CEP85L: variants seen among roughly 807,000 people sequenced by gnomAD.
CEP85L encodes centrosomal protein 85L, also known as centrosomal protein of 85 kDa-like.
A neutral mutation model predicts 100.3 loss-of-function variants in CEP85L; 60 were observed. That is an observed-to-expected ratio of 0.60 (90% confidence interval 0.49 to 0.74). The LOEUF (loss-of-function observed/expected upper bound fraction) is 0.74. Among genes scored for constraint, CEP85L ranks in the 30% least tolerant of loss-of-function variants. The pLI is 0.00. For missense variants in CEP85L, 973 were observed against 936.2 expected, an observed-to-expected ratio of 1.04 and a Z score of -0.51; for synonymous variants, 319 against 322.7, an observed-to-expected ratio of 0.99 and a Z score of 0.12.
chr6:118,558,423 G>T (rs1288839), intron 3 of CEP85L, among the ~76,000 whole-genome samples: 2,967 of 152,086 alleles, frequency 0.02, 89 homozygotes, highest in African/African-American at 0.067. Context: ...GGGTAAAAAT[G>T]GTTTTGTTAT....
intron 3 of CEP85L, among the ~76,000 whole-genome samples, chr6:118,552,489 C>T (rs1778607008): frequency 6.6e-6 from 1 of 151,998 alleles, no homozygotes; most frequent in African/African-American, 2.4e-5. Flanking sequence ...TAAAACAGGA[C>T]TCACTGCAGA....
chr6:118,572,479 G>A (rs1351051321), intron 2 of CEP85L, among the ~76,000 whole-genome samples: 1 of 151,986 alleles, frequency 6.6e-6, no homozygotes, highest in East Asian at 1.9e-4. Context: ...GGCTGAGGCA[G>A]GAGATTCACT....
At chr6:118,479,947 T>A in intron 9 of CEP85L, 26 bp from the exon 10 acceptor site, 1 of 1,210,000 alleles carries the variant, frequency 8.3e-7, no homozygotes. Flanking sequence ...TACATCTGAT[T>A]CAAATAATTT....
chr6:118,600,300 G>GGGGGGGGTGTGTGTGT (rs1562297733), intron 2 of CEP85L, among the ~76,000 whole-genome samples: 1 of 52,246 alleles, frequency 1.9e-5, no homozygotes, highest in Non-Finnish European at 4.0e-5. Flanking sequence ...CCTTCCTGGG[G>GGGGGGGGTGTGTGTGT]GTGTGTGTGT....
intron 3 of CEP85L, among the ~76,000 whole-genome samples, chr6:118,537,270 A>C (rs879523453): frequency 5.3e-5 from 8 of 152,188 alleles, no homozygotes; most frequent in Non-Finnish European, 1.0e-4. Flanking sequence ...CCTTGTAACT[A>C]TGTGAGTTAA....
chr6:118,476,297 A>T (rs1410037810), intron 10 of CEP85L, among the ~76,000 whole-genome samples: 1 of 149,156 alleles, frequency 6.7e-6, no homozygotes, highest in African/African-American at 2.5e-5. Flanking sequence ...TTTTTTTTTT[A>T]AAGCTACTTT....
At chr6:118,626,216 G>C (rs1339767875) in intron 2 of CEP85L, among the ~76,000 whole-genome samples, 1 of 152,064 alleles carries the variant, frequency 6.6e-6, no homozygotes, top group African/African-American at 2.4e-5. Flanking sequence ...ATAATACTGA[G>C]GATATATGCT....
chr6:118,519,568 GTGTGTGT>G (rs1776528149), intron 4 of CEP85L, among the ~76,000 whole-genome samples: 2 of 12,054 alleles, frequency 1.7e-4, no homozygotes, highest in African/African-American at 4.0e-4. Context: ...GTGTGTGTGT[GTGTGTGT>G]GTGTGTGGCG....
intron 3 of CEP85L, among the ~76,000 whole-genome samples, chr6:118,542,412 G>A (rs1777945891): frequency 6.6e-6 from 1 of 151,928 alleles, no homozygotes. Context: ...ATTAAGAACT[G>A]GCTTCTTGTG....
chr6:118,706,806 A>G (rs1777605961), intron 1 of CEP85L, among the ~76,000 whole-genome samples: 2 of 151,212 alleles, frequency 1.3e-5, no homozygotes. Flanking sequence ...TCCAATCACA[A>G]TCCCCTCCTC....
chr6:118,676,899 G>A (rs903834160), intron 1 of CEP85L, among the ~76,000 whole-genome samples: 8 of 152,064 alleles, frequency 5.3e-5, no homozygotes, highest in Admixed American at 3.9e-4. Flanking sequence ...GGTGTAAGAC[G>A]ATATCTCATT....
intron 1 of CEP85L, chr6:118,647,079 G>A (rs991291190): frequency 4.8e-5 from 47 of 985,004 alleles, no homozygotes; most frequent in Non-Finnish European, 5.3e-5. Flanking sequence ...TTAGGCCAGA[G>A]TTATGTTTCA....
intron 2 of CEP85L, among the ~76,000 whole-genome samples, chr6:118,613,891 G>A (rs1038949418): frequency 6.6e-6 from 1 of 151,610 alleles, no homozygotes; most frequent in Admixed American, 6.6e-5. Flanking sequence ...CATTTATAAA[G>A]GTATTATAGT....
Position 118,651,411 on chromosome 6 carries a change from G to A in CEP85L, c.-142C>T. On this transcript the variant is annotated 5_prime_UTR_variant, in exon 1 of 13. Transcript: ENST00000368491. ...AAGGCGGGATGGCTGGTTAACGGCT[G>A]CTCAGCTACGGGCGGGGAGCGCAGG... 1 of 1,348,968 alleles carries A rather than the reference G, an allele frequency of 7.4e-7. No individual in the cohort carries two copies. Among genetic ancestry groups the A allele is most frequent in the Non-Finnish European group, 9.5e-7 (1 of 1,054,242 alleles). 83.6% of individuals were successfully genotyped at this position (1,348,968 alleles called of 1,614,324 possible).
At chr6:118,484,230 C>T (rs1057162328) in intron 6 of CEP85L, among the ~76,000 whole-genome samples, 4 of 152,136 alleles carry the variant, frequency 2.6e-5, no homozygotes, top group African/African-American at 9.7e-5. Flanking sequence ...GTATGAGAAT[C>T]GCTTGAACTG....
intron 1 of CEP85L, among the ~76,000 whole-genome samples, chr6:118,635,730 C>T (rs1774452112): frequency 6.6e-6 from 1 of 152,146 alleles, no homozygotes; most frequent in African/African-American, 2.4e-5. Context: ...TAAAGTCATG[C>T]TCCATTAAAG....
chr6:118,618,648 G>A lies in CEP85L; in HGVS notation c.232+13805C>T, dbSNP rs1005362356. On this transcript the variant is annotated intron_variant, in intron 2 of 12. Coordinates refer to ENST00000368491, the MANE Select transcript of CEP85L (RefSeq NM_001042475.3). ...AAGAAAATATAGTCAATTGAGACAC[G>A]GGATACTGGTACCACCTTAAGATGG... 5.9e-5 allele frequency among the ~76,000 whole-genome samples: 9 copies of A among 152,184 alleles called. No individual in the cohort carries two copies. In the South Asian group the frequency reaches 1.0e-3, roughly 18 times the overall value.
rs968357059 is a variant in CEP85L, at chr6:118,686,971, G to T, written c.-28+23065C>A. Among the ~76,000 whole-genome samples the T allele has an allele frequency of 3.3e-5, 5 of 152,182 alleles. 1 individual carries two copies. The highest frequency in any genetic ancestry group is 1.2e-4 in the African/African-American group (5 of 41,512). ...GACTCTACCTCATCTGACCTCAGCT[G>T]ACATGTTTCACTTTATCTCGTAACC... is the stretch of plus-strand genomic sequence containing the variant. On this transcript the variant is annotated intron_variant, in intron 1 of 13. Transcript: ENST00000368488.
At chr6:118,480,070 CACA>C in intron 9 of CEP85L, 149 bp from the exon 10 acceptor site, 1 of 154,520 alleles carries the variant, frequency 6.5e-6, no homozygotes, top group Non-Finnish European at 1.4e-5. Flanking sequence ...TGATTTGGGT[CACA>C]CACGTATAAA....
Sources: allele counts gnomAD v4.1 joint callset (sites outside exome capture counted in the v4.1 genomes callset), GRCh38; gene constraint gnomAD v4.1.1; transcripts MANE v1.5; gene names NCBI Gene and HGNC (gene_info 2026-07-23, HGNC 2026-07-21).